ELK4: variants seen among roughly 807,000 people sequenced by gnomAD.
ELK4 encodes the protein ETS domain-containing protein Elk-4.
ELK4 carries 16 observed loss-of-function variants against 29.6 expected under a neutral mutation model. The ratio of observed to expected loss-of-function variants is 0.54; its 90% confidence interval spans 0.37 to 0.82. The LOEUF is 0.82. ELK4 is among the 40% of genes least tolerant of loss of function. The pLI is 0.00. For synonymous variants in ELK4, 213 were observed against 191.1 expected, an observed-to-expected ratio of 1.11 and a Z score of -0.95; for missense variants, 465 against 507.1, an observed-to-expected ratio of 0.92 and a Z score of 0.80.
In ELK4 at chr1:205,620,500, C is replaced by T; in HGVS notation, c.546G>A (p.Gln182=). The change falls in exon 3 of 5, where the codon CAG becomes CAA. Residue 182 remains glutamine, a synonymous_variant. Coordinates refer to ENST00000357992, the MANE Select transcript of ELK4 (RefSeq NM_001973.4). Reference sequence around the variant, plus strand: ...ATTTGATGACAGATGGTGTGGGCTCCTGAGGAGATTTTTTCTCTGCCAGTT... The same window carrying T: ...ATTTGATGACAGATGGTGTGGGCTCTTGAGGAGATTTTTTCTCTGCCAGTT... ...AEKLAEKKSP[Q]EPTPSVIKFV... 1 of 1,614,052 alleles carries T rather than the reference C, an allele frequency of 6.2e-7. No homozygotes were observed. The highest frequency in any genetic ancestry group is 8.5e-7 in the Non-Finnish European group (1 of 1,180,016).
At position 205,625,524 on chromosome 1, in the gene ELK4, G is replaced by T. The variant is rs11240541; in HGVS notation, c.-9-1633C>A. The T allele has an allele frequency of 1.2e-5, 9 of 761,764 alleles. 1 individual carries two copies. The East Asian group carries it at 2.0e-4, about 17-fold the overall frequency. 47.2% of individuals were successfully genotyped at this position (761,764 alleles called of 1,614,324 possible). A position where few individuals can be genotyped will look rare whatever the true frequency, so the allele number is the denominator to read the frequency against. On this transcript the variant is annotated intron_variant, in intron 1 of 4. Coordinates refer to ENST00000357992, the MANE Select transcript of ELK4 (RefSeq NM_001973.4). ...AAGAAGAGCATCCGTTCAAGAAACG[G>T]GCGGCTCCGAGAGCAAGAAGACTGG...
chr1:205,621,717 C>T (rs543548751), intron 2 of ELK4, among the ~76,000 whole-genome samples: 2 of 152,072 alleles, frequency 1.3e-5, no homozygotes, highest in East Asian at 3.9e-4. Context: ...TGGGGTTTTG[C>T]CATGTTGGCC....
rs111580807 is a variant in ELK4 at position 205,612,049 on chromosome 1, G to A, written c.*4497C>T. 434 of 190,760 alleles carry A rather than the reference G, an allele frequency of 2.3e-3. 1 individual carries two copies. The highest frequency in any genetic ancestry group is 9.6e-3 in the African/African-American group (414 of 43,032). The allele number at this position is 190,760 out of a possible 1,614,324, so 11.8% of individuals were successfully genotyped here. On this transcript the variant is annotated 3_prime_UTR_variant, in exon 5 of 5. Coordinates refer to ENST00000357992, the MANE Select transcript of ELK4 (RefSeq NM_001973.4). ...TAAGTCCCAAAGAAGTCTGTGAGCA[G>A]ACTAGTAAAATAAAAATAGAGTCAT...
rs1670175342 is a variant in ELK4 at position 205,613,013 on chromosome 1, AATTCT to A, written c.*3528_*3532del. 1 of 207,418 alleles carries A rather than the reference AATTCT, an allele frequency of 4.8e-6. No individual in the cohort carries two copies. The highest frequency in any genetic ancestry group is 2.3e-5 in the African/African-American group (1 of 43,286). The allele number at this position is 207,418 out of a possible 1,614,324, so 12.8% of individuals were successfully genotyped here. The stretch of plus-strand genomic sequence containing the variant: ...TACGGTTGACCTTTCAAGGGCCTCT[AATTCT>A]TTTTTTTTTTTCCTGACCGTACTCC... On this transcript the variant is annotated 3_prime_UTR_variant, in exon 5 of 5. Coordinates refer to ENST00000357992, the MANE Select transcript of ELK4 (RefSeq NM_001973.4).
chr1:205,611,059 T>C lies in ELK4; in HGVS notation c.*5487A>G, dbSNP rs1670143636. On this transcript the variant is annotated 3_prime_UTR_variant, in exon 5 of 5. Coordinates refer to ENST00000357992, the MANE Select transcript of ELK4 (RefSeq NM_001973.4). ...ACAACAGCATGAATTTCCTGTTTTC[T>C]GTAGAAAGCTTAGAGCCAGTATTTC... 4.6e-6 allele frequency: 1 copy of C among 218,184 alleles called. No homozygotes were observed. The highest frequency in any genetic ancestry group is 6.8e-5 in the East Asian group (1 of 14,740). 13.5% of individuals were successfully genotyped at this position (218,184 alleles called of 1,614,324 possible). A position where few individuals can be genotyped will look rare whatever the true frequency, so the allele number is the denominator to read the frequency against.
In ELK4 at chr1:205,616,194, T is replaced by C. The variant is rs912853742; in HGVS notation, c.*352A>G. The C allele has an allele frequency of 2.3e-5, 6 of 263,852 alleles. No individual in the cohort carries two copies. The highest frequency in any genetic ancestry group is 1.3e-4 in the African/African-American group (6 of 46,518). The allele number at this position is 263,852 out of a possible 1,614,324, so 16.3% of individuals were successfully genotyped here. ...TCCCAATAGCCAGAAGGAGTAACTT[T>C]GTTCTTAATTGCTTTTGCAAAGCAC... On this transcript the variant is annotated 3_prime_UTR_variant, in exon 5 of 5. Coordinates refer to ENST00000357992, the MANE Select transcript of ELK4 (RefSeq NM_001973.4).
chr1:205,628,710 G>GT (rs935698053), intron 1 of ELK4, among the ~76,000 whole-genome samples: 1 of 152,162 alleles, frequency 6.6e-6, no homozygotes, highest in Non-Finnish European at 1.5e-5. Flanking sequence ...GATGGTACAG[G>GT]TTTAACTTGC....
At chr1:205,626,005 T>C (rs1430030585) in intron 1 of ELK4, 8 of 1,414,344 alleles carry the variant, frequency 5.7e-6, no homozygotes, top group African/African-American at 2.8e-5. Flanking sequence ...CAGAAGCGAA[T>C]TCATCTCCGA....
rs1212068029 is a variant in ELK4, at chr1:205,623,873, C to T, written c.10G>A (p.Ala4Thr). 1.2e-6 allele frequency: 2 copies of T among 1,614,178 alleles called. No homozygotes were observed. The change falls in exon 2 of 5, where the codon GCT becomes ACT. Residue 4 changes from alanine to threonine, a missense_variant. Physicochemically the swap from Ala to Thr is moderately conservative, Grantham distance 58. Transcript: ENST00000357992. The part of the protein sequence containing the change: MDS[A>T]ITLWQFLLQL... ...AGAAGGAACTGCCACAGGGTGATAG[C>T]ACTGTCCATAGCAATGAGCTGAAAG...
At chr1:205,619,842 C>T (rs143483247) in intron 3 of ELK4, 124 bp downstream of exon 3, 2 of 1,605,084 alleles carry the variant, frequency 1.2e-6, no homozygotes. Context: ...ATGACAGTCA[C>T]ACATAACCTT....
Position 205,616,649 on chromosome 1 carries a change from G to A in ELK4, c.1198-5C>T. The A allele has an allele frequency of 6.2e-7, 1 of 1,610,396 alleles. No individual in the cohort carries two copies. The highest frequency in any genetic ancestry group is 1.3e-5 in the African/African-American group (1 of 75,000). ...ACTGTTCAGTACAGAAGGAAACTGA[G>A]AAAGAAAACAAAACACATTATCATC... is the stretch of plus-strand genomic sequence containing the variant. On this transcript the variant is annotated splice_polypyrimidine_tract_variant and splice_region_variant and intron_variant, in intron 4 of 4. Coordinates refer to ENST00000357992, the MANE Select transcript of ELK4 (RefSeq NM_001973.4).
chr1:205,625,484 T>A, intron 1 of ELK4: 1 of 692,236 alleles, frequency 1.4e-6, no homozygotes, highest in South Asian at 1.4e-5. Flanking sequence ...CCCAACAGGA[T>A]GAAATTCGTG....
In ELK4 at chr1:205,620,847, TA is replaced by T. The variant is rs533252798; in HGVS notation, c.208-10del. On this transcript the variant is annotated splice_polypyrimidine_tract_variant and intron_variant, in intron 2 of 4. Transcript: ENST00000357992. ...ACTTTTTTGATGATATTCTGTAGGT[TA>T]AAAAAAAAAGCATTTTTATCCTTTC... The T allele has an allele frequency of 0.018, 20,429 of 1,150,442 alleles. 1 individual carries two copies. The highest frequency in any genetic ancestry group is 0.042 in the South Asian group (2,395 of 57,020). The allele number at this position is 1,150,442 out of a possible 1,614,324, so 71.3% of individuals were successfully genotyped here.
intron 4 of ELK4, among the ~76,000 whole-genome samples, chr1:205,618,687 G>A (rs1297281549): frequency 6.6e-6 from 1 of 152,098 alleles, no homozygotes; most frequent in Non-Finnish European, 1.5e-5. Context: ...ACCAGACGTG[G>A]TGTTGCACAC....
chr1:205,620,571 T>A lies in ELK4; in HGVS notation c.475A>T (p.Asn159Tyr). The change falls in exon 3 of 5, where the codon AAT becomes TAT. Residue 159 changes from asparagine to tyrosine, a missense_variant. Asn to Tyr is a moderately radical substitution (Grantham distance 143). Around this residue, in one of 2 missense-constraint regions of ELK4, gnomAD observed 385 missense variants for 387.5 expected, o/e 0.99. Transcript: ENST00000357992. ...TTTATCAATTTGAAAAGCTTTACATTGGAGGAGTTCAAAGAGTTGAGAGTA... is the reference window on the plus strand; with the variant it reads ...TTTATCAATTTGAAAAGCTTTACATAGGAGGAGTTCAAAGAGTTGAGAGTA... ...SFTLNSLNSS[N>Y]VKLFKLIKTE... 6.2e-7 allele frequency: 1 copy of A among 1,614,144 alleles called. No homozygotes were observed.
Position 205,616,573 on chromosome 1 carries a change from T to G in ELK4, c.1269A>C (p.Pro423=). 1 of 1,614,114 alleles carries G rather than the reference T, an allele frequency of 6.2e-7. No homozygotes were observed. Among genetic ancestry groups the G allele is most frequent in the African/African-American group, 1.3e-5 (1 of 75,032 alleles). Residue 423 remains proline (P), a synonymous_variant, in exon 5 of 5, where the codon CCA becomes CCC. Coordinates refer to ENST00000357992, the MANE Select transcript of ELK4 (RefSeq NM_001973.4). ...ATGTCTTCTGTAGGTCTGGGGAAAA[T>G]GGGCCAGGGGTGGAAGGTCCATCCA... ...SGLDGPSTPG[P]FSPDLQKT
intron 3 of ELK4, chr1:205,619,658 CCAA>C (rs1670295142): frequency 4.4e-6 from 6 of 1,368,218 alleles, no homozygotes; most frequent in African/African-American, 1.5e-5. Flanking sequence ...TTATAAGACA[CCAA>C]CGAGTTTTAT....
Position 205,620,739 on chromosome 1 carries a change from C to T in ELK4, c.307G>A (p.Gly103Ser). ...MDPMTVGRIE[G>S]DCESLNFSEV... ...CTGAAGTTTAAACTTTCACAGTCAC[C>T]CTCAATCCTGCCCACTGTCATTGGA... is the stretch of plus-strand genomic sequence containing the variant. The change falls in exon 3 of 5, where the codon GGT (glycine) becomes AGT (serine). Residue 103 changes from glycine (G) to serine (S), a missense_variant. Around this residue, in one of 2 missense-constraint regions of ELK4, gnomAD observed 385 missense variants for 387.5 expected, o/e 0.99. Coordinates refer to ENST00000357992, the MANE Select transcript of ELK4 (RefSeq NM_001973.4). 1 of 1,614,082 alleles carries T rather than the reference C, an allele frequency of 6.2e-7. No homozygotes were observed. Among genetic ancestry groups the T allele is most frequent in the East Asian group, 2.2e-5 (1 of 44,886 alleles).
chr1:205,621,749 C>T (rs1411597140), intron 2 of ELK4, among the ~76,000 whole-genome samples: 1 of 152,098 alleles, frequency 6.6e-6, no homozygotes, highest in East Asian at 2.0e-4. Flanking sequence ...GAACTCCTGA[C>T]CTCAACTGAT....
Sources: allele counts gnomAD v4.1 joint callset (sites outside exome capture counted in the v4.1 genomes callset), GRCh38; gene constraint gnomAD v4.1.1; regional missense constraint gnomAD v4.1.1; transcripts MANE v1.5; gene names NCBI Gene and HGNC (gene_info 2026-07-23, HGNC 2026-07-21).